ADAMTSL1: variants seen among roughly 807,000 people sequenced by gnomAD.
The protein encoded by ADAMTSL1 is ADAMTS like 1.
In ADAMTSL1, 126 loss-of-function variants were observed where a neutral mutation model predicts 201.8. The observed-to-expected ratio is 0.62, with a 90% CI of 0.54 to 0.72. The LOEUF is 0.72. Ranked by LOEUF, ADAMTSL1 falls within the 30% of genes least tolerant of loss-of-function variation. ADAMTSL1 has a pLI of 0.00. For synonymous variants in ADAMTSL1, 1,121 were observed against 903.4 expected, an observed-to-expected ratio of 1.24 and a Z score of -4.32; for missense variants, 2,679 against 2,277.8, an observed-to-expected ratio of 1.18 and a Z score of -3.59.
intron 4 of ADAMTSL1, among the ~76,000 whole-genome samples, chr9:18,595,217 C>T (rs1274303941): frequency 6.6e-6 from 1 of 152,180 alleles, no homozygotes; most frequent in Non-Finnish European, 1.5e-5. Flanking sequence ...TGCCTGTAGG[C>T]CTCTGCCCAG....
Position 18,326,432 on chromosome 9 carries a change from T to TAAAA in ADAMTSL1, c.207+162460_207+162463dup, listed in dbSNP as rs35508872. On this transcript the variant is annotated intron_variant, in intron 2 of 29. Transcript: ENST00000680146. ...TTTTTCCTATATGTAATTTTTTACC[T>TAAAA]AAAAAAAAAAAAGTGGAGATGGAGA... Among the ~76,000 whole-genome samples the TAAAA allele has an allele frequency of 4.3e-3, 628 of 146,650 alleles. 6 individuals are homozygous for TAAAA. Among genetic ancestry groups the TAAAA allele is most frequent in the African/African-American group, 0.015 (579 of 39,906 alleles).
At chr9:18,777,944 A>G in intron 19 of ADAMTSL1, 38 bp downstream of exon 19, 1 of 1,516,594 alleles carries the variant, frequency 6.6e-7, no homozygotes. Context: ...GGAGGGAGGC[A>G]AGGGGCCACA....
At chr9:18,830,809 T>C (rs1463216427) in intron 23 of ADAMTSL1, among the ~76,000 whole-genome samples, 3 of 152,214 alleles carry the variant, frequency 2.0e-5, no homozygotes, top group Non-Finnish European at 4.4e-5. Flanking sequence ...TCTTGTGCTG[T>C]GAACCTAAGA....
At chr9:18,281,544 G>A (rs540134282) in intron 2 of ADAMTSL1, among the ~76,000 whole-genome samples, 6 of 152,152 alleles carry the variant, frequency 3.9e-5, no homozygotes, top group African/African-American at 7.2e-5. Context: ...AGGGCCCTTC[G>A]CGACTGGGCT....
chr9:17,998,647 T>C (rs1586873750), intron 1 of ADAMTSL1, among the ~76,000 whole-genome samples: 1 of 152,028 alleles, frequency 6.6e-6, no homozygotes. Flanking sequence ...GTAAATGCTT[T>C]GGAAAAGGAA....
intron 15 of ADAMTSL1, among the ~76,000 whole-genome samples, chr9:18,724,909 C>CTTTT (rs11403576): frequency 3.4e-5 from 5 of 148,438 alleles, no homozygotes; most frequent in African/African-American, 4.9e-5. Flanking sequence ...AGGATTGAAC[C>CTTTT]TTTTTTTTTT....
At chr9:18,499,328 T>A (rs1210268454) in intron 1 of ADAMTSL1, among the ~76,000 whole-genome samples, 1 of 152,264 alleles carries the variant, frequency 6.6e-6, no homozygotes, top group Non-Finnish European at 1.5e-5. Flanking sequence ...GCCCAGTTAC[T>A]GCTTAATGTC....
chr9:18,414,557 A>G (rs73417025), intron 2 of ADAMTSL1, among the ~76,000 whole-genome samples: 2,109 of 152,334 alleles, frequency 0.014, 44 homozygotes, highest in African/African-American at 0.047. Context: ...TGATCTCTCA[A>G]TTATGATGAA....
At chr9:18,271,246 T>A (rs1011732780) in intron 2 of ADAMTSL1, among the ~76,000 whole-genome samples, 14 of 152,190 alleles carry the variant, frequency 9.2e-5, no homozygotes, top group African/African-American at 3.4e-4. Flanking sequence ...GTTTGTTACA[T>A]ATGTATACAT....
At chr9:18,654,173 G>T (rs1828476968) in intron 7 of ADAMTSL1, among the ~76,000 whole-genome samples, 1 of 152,226 alleles carries the variant, frequency 6.6e-6, no homozygotes, top group Non-Finnish European at 1.5e-5. Flanking sequence ...AGGTTGCAGT[G>T]AGCTGAGATC....
intron 2 of ADAMTSL1, among the ~76,000 whole-genome samples, chr9:18,297,026 G>A (rs1040502719): frequency 6.6e-6 from 1 of 152,192 alleles, no homozygotes; most frequent in African/African-American, 2.4e-5. Context: ...GTAATAAAAA[G>A]AGATACATAA....
chr9:18,720,012 G>T (rs574886431), intron 14 of ADAMTSL1, among the ~76,000 whole-genome samples: 1 of 152,318 alleles, frequency 6.6e-6, no homozygotes, highest in African/African-American at 2.4e-5. Context: ...TCCAGCTATA[G>T]ATAGGTATCT....
At chr9:18,047,768 A>C (rs186471428) in intron 1 of ADAMTSL1, among the ~76,000 whole-genome samples, 1 of 152,318 alleles carries the variant, frequency 6.6e-6, no homozygotes, top group African/African-American at 2.4e-5. Context: ...TTTGAAGTCT[A>C]ATGCTCAGTT....
At chr9:18,759,830 G>C (rs1466179337) in intron 16 of ADAMTSL1, among the ~76,000 whole-genome samples, 1 of 152,198 alleles carries the variant, frequency 6.6e-6, no homozygotes, top group Non-Finnish European at 1.5e-5. Context: ...CTTGAGACTA[G>C]ATGAACAAGG....
chr9:17,978,783 C>G lies in ADAMTSL1; in HGVS notation c.87+71861C>G, dbSNP rs528993439. On this transcript the variant is annotated intron_variant, in intron 1 of 29. Coordinates refer to the ADAMTSL1 transcript ENST00000680146. Reference sequence around the variant, plus strand: ...CTTTACCATTGATTTTTTTTACCATCATATATTTTCTTGTTACTATTAGGG... The same window carrying G: ...CTTTACCATTGATTTTTTTTACCATGATATATTTTCTTGTTACTATTAGGG... 5.9e-4 allele frequency among the ~76,000 whole-genome samples: 89 copies of G among 151,948 alleles called. 1 individual carries two copies. The South Asian group carries it at 0.018, about 30-fold the overall frequency.
chr9:18,655,805 TTAAAAAAAA>T (rs2132960135), intron 7 of ADAMTSL1, among the ~76,000 whole-genome samples: 1 of 59,266 alleles, frequency 1.7e-5, no homozygotes, highest in South Asian at 5.0e-4. Context: ...TTTTGTGAGC[TTAAAAAAAA>T]AAAAAAAAAA....
chr9:17,942,034 G>A (rs1755276), intron 1 of ADAMTSL1, among the ~76,000 whole-genome samples: 148,087 of 152,248 alleles, frequency 0.97, 72,066 homozygotes, highest in East Asian at 1. Flanking sequence ...GGGGACACAA[G>A]CGTTCATTAT....
intron 1 of ADAMTSL1, among the ~76,000 whole-genome samples, chr9:18,029,165 A>C (rs991057553): frequency 5.5e-4 from 84 of 152,154 alleles, no homozygotes; most frequent in Non-Finnish European, 6.0e-4. Flanking sequence ...TTTTGGGCTG[A>C]GATGATGGGG....
chr9:18,910,189 G>C lies in ADAMTSL1; in HGVS notation c.*1641G>C, dbSNP rs1370975943. The stretch of plus-strand genomic sequence containing the variant: ...TCCCCACCTAGTGAGCTGTGGACAG[G>C]TTTAAGTTGGGTCTCCTTCTTCTTC... On this transcript the variant is annotated 3_prime_UTR_variant, in exon 29 of 29. Transcript: ENST00000380548. 1.3e-5 allele frequency: 2 copies of C among 152,134 alleles called. No individual in the cohort carries two copies. Among genetic ancestry groups the C allele is most frequent in the Admixed American group, 6.5e-5 (1 of 15,282 alleles). The allele number at this position is 152,134 out of a possible 1,614,324, so 9.4% of individuals were successfully genotyped here. A position where few individuals can be genotyped will look rare whatever the true frequency, so the allele number is the denominator to read the frequency against.
Sources: gnomAD v4.1 joint callset for allele counts (sites outside exome capture counted in the v4.1 genomes callset) on GRCh38, gnomAD v4.1.1 for gene constraint, MANE v1.5 for transcripts, NCBI Gene and HGNC (gene_info 2026-07-23, HGNC 2026-07-21) for gene names.